BANK1: variants seen among roughly 807,000 people sequenced by gnomAD.
BANK1 encodes B cell scaffold protein with ankyrin repeats 1, also known as B-cell scaffold protein with ankyrin repeats.
Under a neutral mutation model 94.5 loss-of-function variants are expected in BANK1, and 95 were observed. The observed-to-expected ratio is 1.00, with a 90% CI of 0.85 to 1.19. The LOEUF (loss-of-function observed/expected upper bound fraction) is 1.19, where lower values mean the gene tolerates loss of function less well. Among genes scored for constraint, BANK1 ranks in the 50% most tolerant of loss-of-function variants. The pLI, the probability that BANK1 is intolerant of heterozygous loss-of-function variation, is 0.00. For synonymous variants in BANK1, 334 were observed against 308.4 expected, an observed-to-expected ratio of 1.08 and a Z score of -0.87; for missense variants, 987 against 932.2, an observed-to-expected ratio of 1.06 and a Z score of -0.77.
chr4:102,007,134 A>ATAT (rs1560682214), intron 7 of BANK1, among the ~76,000 whole-genome samples: 13 of 52,072 alleles, frequency 2.5e-4, no homozygotes, highest in Non-Finnish European at 2.8e-4. Flanking sequence ...ATATATATAT[A>ATAT]AAAAATATAT....
chr4:101,940,740 G>A (rs1723714190), intron 7 of BANK1, among the ~76,000 whole-genome samples: 1 of 151,714 alleles, frequency 6.6e-6, no homozygotes, highest in East Asian at 1.9e-4. Context: ...TGGAGGTGGA[G>A]GACCATTCTT....
chr4:102,044,765 C>T (rs1322975646), intron 11 of BANK1, among the ~76,000 whole-genome samples: 7 of 83,916 alleles, frequency 8.3e-5, no homozygotes, highest in Non-Finnish European at 1.6e-4. Context: ...TTTTGATTTG[C>T]ATTTCTCTGA....
rs144508188 is a variant in BANK1, at chr4:102,046,636, A to T, written c.1969+2729A>T. Among the ~76,000 whole-genome samples, 1,209 of 152,254 alleles carry T rather than the reference A, an allele frequency of 7.9e-3. 18 individuals are homozygous for T. Among genetic ancestry groups the T allele is most frequent in the African/African-American group, 0.028 (1,149 of 41,556 alleles). ...GCCAATCAAAGACTGCATCCTTTTT[A>T]ACTGTTCTCTTGCCTTCAGCACTTG... On this transcript the variant is annotated intron_variant, in intron 11 of 16. Coordinates refer to ENST00000322953, the MANE Select transcript of BANK1 (RefSeq NM_017935.5).
chr4:101,918,286 T>G (rs1722895416), intron 7 of BANK1, 97 bp downstream of exon 7: 3 of 803,294 alleles, frequency 3.7e-6, no homozygotes. Flanking sequence ...CCGTTTTCTT[T>G]AAGACTCTAG....
chr4:102,052,666 A>G (rs1403120581), intron 11 of BANK1, among the ~76,000 whole-genome samples: 3 of 152,194 alleles, frequency 2.0e-5, no homozygotes, highest in Non-Finnish European at 4.4e-5. Context: ...TAACTGCTTA[A>G]ATATGAAGCT....
chr4:101,982,587 T>C (rs1406084642), intron 7 of BANK1, among the ~76,000 whole-genome samples: 1 of 152,066 alleles, frequency 6.6e-6, no homozygotes, highest in Admixed American at 6.6e-5. Context: ...TAAAGCACTT[T>C]TTTATTCGGC....
intron 7 of BANK1, among the ~76,000 whole-genome samples, chr4:101,997,262 G>C (rs181434856): frequency 6.6e-6 from 1 of 152,262 alleles, no homozygotes; most frequent in East Asian, 1.9e-4. Context: ...AACCAGTCTT[G>C]CATCCCAGTG....
intron 1 of BANK1, among the ~76,000 whole-genome samples, chr4:101,791,549 A>G (rs2148846526): frequency 6.6e-6 from 1 of 152,340 alleles, no homozygotes; most frequent in East Asian, 1.9e-4. Flanking sequence ...TTTCAAATGG[A>G]CGTTAAGGCA....
chr4:101,942,657 A>T (rs1415778763), intron 7 of BANK1, among the ~76,000 whole-genome samples: 1 of 151,926 alleles, frequency 6.6e-6, no homozygotes, highest in Non-Finnish European at 1.5e-5. Flanking sequence ...ATAAAATTAT[A>T]TAATTTAGGG....
intron 7 of BANK1, among the ~76,000 whole-genome samples, chr4:101,993,332 CT>C (rs1268439878): frequency 6.6e-6 from 1 of 152,142 alleles, no homozygotes; most frequent in Non-Finnish European, 1.5e-5. Flanking sequence ...TCATCAGTAG[CT>C]TTTTGGCAAT....
chr4:101,955,799 A>G (rs909734513), intron 7 of BANK1, among the ~76,000 whole-genome samples: 6 of 152,198 alleles, frequency 3.9e-5, no homozygotes, highest in African/African-American at 1.4e-4. Context: ...TATGATTATG[A>G]GTCTGTGCTT....
intron 7 of BANK1, among the ~76,000 whole-genome samples, chr4:101,920,935 G>C (rs1249716323): frequency 6.6e-6 from 1 of 151,798 alleles, no homozygotes; most frequent in East Asian, 1.9e-4. Context: ...GGAGGATGAA[G>C]ATAAAGAGAA....
At chr4:101,928,642 A>T (rs1723240825) in intron 7 of BANK1, among the ~76,000 whole-genome samples, 1 of 151,670 alleles carries the variant, frequency 6.6e-6, no homozygotes, top group South Asian at 2.1e-4. Context: ...CCTTAATGAG[A>T]ACTCTCTATT....
At chr4:102,035,064 GA>G (rs1727455533) in intron 10 of BANK1, among the ~76,000 whole-genome samples, 1 of 152,138 alleles carries the variant, frequency 6.6e-6, no homozygotes, top group African/African-American at 2.4e-5. Flanking sequence ...TGAAATGATA[GA>G]AGTGACAAGA....
At position 101,822,439 on chromosome 4, in the gene BANK1, T is replaced by C. The variant is rs1057336921; in HGVS notation, c.71-7369T>C. On this transcript the variant is annotated intron_variant, in intron 1 of 16. Transcript: ENST00000322953. ...TGATTCTGACAATTTATTTTATTAT[T>C]CAAATTCTCTAAAGTTACCATATTT... Among the ~76,000 whole-genome samples, 16 of 152,214 alleles carry C rather than the reference T, an allele frequency of 1.1e-4. No homozygotes were observed. In the East Asian group the frequency reaches 1.7e-3, roughly 17 times the overall value.
At chr4:102,009,937 A>G (rs537252942) in intron 7 of BANK1, among the ~76,000 whole-genome samples, 2 of 152,242 alleles carry the variant, frequency 1.3e-5, no homozygotes, top group East Asian at 3.9e-4. Context: ...TATTGAGAAG[A>G]TTCTGAGTAA....
intron 1 of BANK1, among the ~76,000 whole-genome samples, chr4:101,809,460 A>G (rs1242486233): frequency 6.6e-6 from 1 of 152,132 alleles, no homozygotes; most frequent in Non-Finnish European, 1.5e-5. Flanking sequence ...ACCAAAAACT[A>G]CCTGTTCCCC....
At chr4:101,879,020 A>T (rs1244892141) in intron 5 of BANK1, among the ~76,000 whole-genome samples, 1 of 152,018 alleles carries the variant, frequency 6.6e-6, no homozygotes, top group African/African-American at 2.4e-5. Flanking sequence ...AATGTTAAAT[A>T]AACAATGTAC....
chr4:101,822,047 T>C (rs1726171899), intron 1 of BANK1, among the ~76,000 whole-genome samples: 1 of 151,902 alleles, frequency 6.6e-6, no homozygotes, highest in African/African-American at 2.4e-5. Context: ...ATTCTTGATG[T>C]TGAATTGGAG....
Sources: gnomAD v4.1 joint callset for allele counts (sites outside exome capture counted in the v4.1 genomes callset) on GRCh38, gnomAD v4.1.1 for gene constraint, MANE v1.5 for transcripts, NCBI Gene and HGNC (gene_info 2026-07-23, HGNC 2026-07-21) for gene names.